The following CNTFR variants were observed in gnomAD, a reference collection of about 807,000 sequenced individuals.
CNTFR encodes ciliary neurotrophic factor receptor subunit alpha.
CNTFR carries 12 observed loss-of-function variants against 40.4 expected under a neutral mutation model. That is an observed-to-expected ratio of 0.30 (90% CI 0.19 to 0.48). CNTFR has a LOEUF of 0.48. CNTFR is among the 20% of genes least tolerant of loss of function. The pLI is 0.99. For missense variants in CNTFR, 414 were observed against 506.8 expected, an observed-to-expected ratio of 0.82 and a Z score of 1.76; for synonymous variants, 202 against 209.6, an observed-to-expected ratio of 0.96 and a Z score of 0.31.
At chr9:34,553,293 G>A (rs180893123) in intron 7 of CNTFR, among the ~76,000 whole-genome samples, 2 of 152,250 alleles carry the variant, frequency 1.3e-5, no homozygotes, top group Admixed American at 1.3e-4. Flanking sequence ...GAGAGGGGAG[G>A]TTGACACACT....
intron 1 of CNTFR, among the ~76,000 whole-genome samples, chr9:34,586,190 T>A (rs1419561124): frequency 6.6e-6 from 1 of 152,170 alleles, no homozygotes; most frequent in Non-Finnish European, 1.5e-5. Flanking sequence ...ATCCCAGGGC[T>A]GGCTGCATCC....
intron 4 of CNTFR, among the ~76,000 whole-genome samples, chr9:34,560,984 G>C (rs533345917): frequency 6.6e-6 from 1 of 152,304 alleles, no homozygotes; most frequent in African/African-American, 2.4e-5. Flanking sequence ...GCCCAGACAG[G>C]AGGAGGGGCA....
upstream of CNTFR, among the ~76,000 whole-genome samples, chr9:34,590,465 C>T (rs3808873): frequency 0.19 from 28,775 of 152,120 alleles, 3,209 homozygotes; most frequent in Non-Finnish European, 0.25. Context: ...ATTGCTACTG[C>T]CCCCCGCAAC....
At chr9:34,554,916 G>A (rs550199904) in intron 7 of CNTFR, among the ~76,000 whole-genome samples, 4 of 152,334 alleles carry the variant, frequency 2.6e-5, no homozygotes, top group East Asian at 3.9e-4. Flanking sequence ...TACAGGCCAC[G>A]CATGTTCTCG....
chr9:34,558,524 GTGTT>G (rs1825943138), intron 4 of CNTFR, among the ~76,000 whole-genome samples: 1 of 152,328 alleles, frequency 6.6e-6, no homozygotes, highest in South Asian at 2.1e-4. Context: ...ATGCGTATCT[GTGTT>G]TGTAGATGTC....
chr9:34,571,889 CA>C (rs1159716095), intron 2 of CNTFR, among the ~76,000 whole-genome samples: 1 of 151,910 alleles, frequency 6.6e-6, no homozygotes, highest in African/African-American at 2.4e-5. Flanking sequence ...AGAAGAGACG[CA>C]GGGGAAAAGA....
intron 2 of CNTFR, among the ~76,000 whole-genome samples, chr9:34,579,080 T>C (rs1587167250): frequency 6.6e-6 from 1 of 152,038 alleles, no homozygotes; most frequent in African/African-American, 2.4e-5. Context: ...CACGCACACG[T>C]GCAAATGCAC....
chr9:34,554,092 C>T (rs921268561), intron 7 of CNTFR, among the ~76,000 whole-genome samples: 3 of 152,150 alleles, frequency 2.0e-5, no homozygotes, highest in Non-Finnish European at 2.9e-5. Context: ...TGGTGAGACA[C>T]CTTTTGGGCC....
chr9:34,586,660 G>A (rs538868405), intron 1 of CNTFR, among the ~76,000 whole-genome samples: 87 of 152,260 alleles, frequency 5.7e-4, no homozygotes, highest in Middle Eastern at 3.4e-3. Flanking sequence ...GGCACACGGA[G>A]AAATCTAAAG....
At chr9:34,567,659 T>C (rs952910772) in intron 3 of CNTFR, among the ~76,000 whole-genome samples, 1 of 151,744 alleles carries the variant, frequency 6.6e-6, no homozygotes, top group African/African-American at 2.4e-5. Context: ...AGAGACACAA[T>C]TACATGTGGG....
intron 4 of CNTFR, among the ~76,000 whole-genome samples, chr9:34,559,138 G>A (rs1449566651): frequency 1.3e-5 from 2 of 152,188 alleles, no homozygotes; most frequent in Non-Finnish European, 2.9e-5. Flanking sequence ...TGGGAGGGGG[G>A]CAGCGCAATA....
chr9:34,587,190 C>A (rs1177290767), intron 1 of CNTFR, among the ~76,000 whole-genome samples: 1 of 152,084 alleles, frequency 6.6e-6, no homozygotes, highest in African/African-American at 2.4e-5. Context: ...TCCCAGCATT[C>A]CTGTACAAGT....
At chr9:34,578,669 A>G (rs888682068) in intron 2 of CNTFR, among the ~76,000 whole-genome samples, 4 of 152,212 alleles carry the variant, frequency 2.6e-5, no homozygotes, top group African/African-American at 9.6e-5. Flanking sequence ...GGAGGCTCCC[A>G]GCCTACCCCC....
chr9:34,553,511 G>A (rs1413792639), intron 7 of CNTFR, among the ~76,000 whole-genome samples: 1 of 152,200 alleles, frequency 6.6e-6, no homozygotes, highest in Admixed American at 6.5e-5. Context: ...CATGGCTTCT[G>A]GTCAGAGCCT....
chr9:34,555,951 ACCATCTCCCTCCCCCG>A (rs1564057634), intron 7 of CNTFR, among the ~76,000 whole-genome samples: 3 of 23,194 alleles, frequency 1.3e-4, no homozygotes, highest in African/African-American at 3.6e-4. Flanking sequence ...TCCCTCCCCC[ACCATCTCCCTCCCCCG>A]CCATCTCCCT....
At chr9:34,566,745 G>A (rs1363301004) in intron 3 of CNTFR, among the ~76,000 whole-genome samples, 1 of 152,166 alleles carries the variant, frequency 6.6e-6, no homozygotes, top group Admixed American at 6.5e-5. Context: ...CGTGGACCCA[G>A]TGTGGCCCTT....
chr9:34,555,059 G>A (rs576551014), intron 7 of CNTFR, among the ~76,000 whole-genome samples: 6 of 152,374 alleles, frequency 3.9e-5, no homozygotes, highest in African/African-American at 1.2e-4. Flanking sequence ...GCATGTTCCC[G>A]TGTGTGTGGT....
chr9:34,579,414 G>A (rs895450176), intron 2 of CNTFR, among the ~76,000 whole-genome samples: 2 of 152,118 alleles, frequency 1.3e-5, no homozygotes, highest in African/African-American at 2.4e-5. Context: ...GGAGAAGGAG[G>A]GGGGTGGAGA....
chr9:34,587,235 G>C (rs754093043), intron 1 of CNTFR, among the ~76,000 whole-genome samples: 19 of 152,200 alleles, frequency 1.2e-4, no homozygotes, highest in Non-Finnish European at 2.5e-4. Flanking sequence ...GTAAGTCTGA[G>C]TGTGAGACCC....
Sources: allele counts gnomAD v4.1 joint callset (sites outside exome capture counted in the v4.1 genomes callset), GRCh38; gene constraint gnomAD v4.1.1; transcripts MANE v1.5; gene names NCBI Gene and HGNC (gene_info 2026-07-23, HGNC 2026-07-21).